SNTG1: variants seen among roughly 807,000 people sequenced by gnomAD.
SNTG1 encodes syntrophin gamma 1, also known as gamma-1-syntrophin.
SNTG1 carries 39 observed loss-of-function variants against 74.7 expected under a neutral mutation model. The observed-to-expected ratio is 0.52, with a 90% confidence interval of 0.40 to 0.68. SNTG1 has a LOEUF of 0.68. Ranked by LOEUF, SNTG1 falls within the 30% of genes least tolerant of loss-of-function variation. The pLI is 0.00. For synonymous variants in SNTG1, 254 were observed against 217.1 expected, an observed-to-expected ratio of 1.17 and a Z score of -1.49; for missense variants, 685 against 609.5, an observed-to-expected ratio of 1.12 and a Z score of -1.30.
intron 15 of SNTG1, among the ~76,000 whole-genome samples, chr8:50,663,979 A>G (rs1156336094): frequency 1.3e-5 from 2 of 152,124 alleles, no homozygotes; most frequent in African/African-American, 2.4e-5. Context: ...CTCCAAATGC[A>G]TATGTTCTGC....
intron 13 of SNTG1, among the ~76,000 whole-genome samples, chr8:50,636,100 G>C (rs906526752): frequency 9.2e-6 from 1 of 108,758 alleles, no homozygotes; most frequent in Non-Finnish European, 2.3e-5. Flanking sequence ...GGCCTAGAAT[G>C]GGTTCCTCAT....
intron 1 of SNTG1, among the ~76,000 whole-genome samples, chr8:50,128,882 C>A (rs2081228329): frequency 6.6e-6 from 1 of 152,058 alleles, no homozygotes; most frequent in African/African-American, 2.4e-5. Flanking sequence ...TTTGGACATA[C>A]AAATTGCATT....
chr8:50,355,038 G>C (rs2091779191), intron 2 of SNTG1, among the ~76,000 whole-genome samples: 1 of 152,126 alleles, frequency 6.6e-6, no homozygotes, highest in African/African-American at 2.4e-5. Flanking sequence ...TGAGAAGCGT[G>C]CATTGTTTCA....
At chr8:50,704,916 G>A (rs73678625) in intron 16 of SNTG1, among the ~76,000 whole-genome samples, 164 bp downstream of exon 16, 2 of 152,100 alleles carry the variant, frequency 1.3e-5, no homozygotes, top group Non-Finnish European at 2.9e-5. Flanking sequence ...TAGTAATACA[G>A]CTCTGAATAA....
intron 1 of SNTG1, among the ~76,000 whole-genome samples, chr8:49,984,968 A>G (rs1467555986): frequency 6.6e-6 from 1 of 152,140 alleles, no homozygotes; most frequent in Non-Finnish European, 1.5e-5. Context: ...ACCAATTTCC[A>G]GAAGGAAAAT....
chr8:50,661,702 G>GC (rs1212149441), intron 15 of SNTG1, among the ~76,000 whole-genome samples: 1 of 151,998 alleles, frequency 6.6e-6, no homozygotes, highest in Non-Finnish European at 1.5e-5. Flanking sequence ...CTCTCCCCTT[G>GC]CCCCCAACCT....
intron 1 of SNTG1, among the ~76,000 whole-genome samples, chr8:49,994,245 T>G (rs917448557): frequency 4.3e-5 from 6 of 141,038 alleles, no homozygotes; most frequent in Non-Finnish European, 9.0e-5. Context: ...AAGATTATTA[T>G]TTTTATTCTT....
At chr8:50,195,695 G>A (rs1279230228) in intron 2 of SNTG1, among the ~76,000 whole-genome samples, 3 of 152,096 alleles carry the variant, frequency 2.0e-5, no homozygotes, top group African/African-American at 7.2e-5. Flanking sequence ...AAGGTCTCCC[G>A]CAAACAGACC....
intron 2 of SNTG1, among the ~76,000 whole-genome samples, chr8:50,183,947 G>A (rs184106106): frequency 6.6e-6 from 1 of 152,058 alleles, no homozygotes; most frequent in Non-Finnish European, 1.5e-5. Flanking sequence ...CAAACTAGCT[G>A]CATTTATTCC....
intron 13 of SNTG1, among the ~76,000 whole-genome samples, chr8:50,593,474 CAAG>C (rs1217507427): frequency 6.6e-6 from 1 of 151,290 alleles, no homozygotes; most frequent in Non-Finnish European, 1.5e-5. Context: ...AATCATAAGA[CAAG>C]AAGAGGACAT....
At position 50,394,933 on chromosome 8, in the gene SNTG1, A is replaced by G. The variant is rs968259370; in HGVS notation, c.27+668A>G. 3.9e-5 allele frequency among the ~76,000 whole-genome samples: 6 copies of G among 152,022 alleles called. No homozygotes were observed. The East Asian group carries it at 1.2e-3, about 29-fold the overall frequency. Reference sequence around the variant, plus strand: ...AAAATACAAATACTTGCAGCTTAAAAATGTTTTATATTTGTTTAAAAGGTT... The same window carrying G: ...AAAATACAAATACTTGCAGCTTAAAGATGTTTTATATTTGTTTAAAAGGTT... On this transcript the variant is annotated intron_variant, in intron 3 of 18. Transcript: ENST00000642720.
chr8:50,126,553 A>T (rs1460564274), intron 1 of SNTG1, among the ~76,000 whole-genome samples: 1 of 152,074 alleles, frequency 6.6e-6, no homozygotes, highest in African/African-American at 2.4e-5. Context: ...ACAATCACCA[A>T]CATTGGGACA....
At chr8:50,196,757 G>C (rs912471521) in intron 2 of SNTG1, among the ~76,000 whole-genome samples, 5 of 148,112 alleles carry the variant, frequency 3.4e-5, no homozygotes, top group African/African-American at 1.0e-4. Flanking sequence ...AGGTGTTTGA[G>C]ATTAGCCTGG....
In SNTG1 at chr8:49,961,702, T is replaced by C. The variant is rs1193602043; in HGVS notation, c.-103+49471T>C. Among the ~76,000 whole-genome samples the C allele has an allele frequency of 3.9e-5, 6 of 152,152 alleles. No homozygotes were observed. The East Asian group carries it at 1.2e-3, about 29-fold the overall frequency. The stretch of plus-strand genomic sequence containing the variant: ...TAAAAGAGAACAATGGTAGCTAACA[T>C]TGATTGAAAGCATCTGCGGAGGCAG... On this transcript the variant is annotated intron_variant, in intron 1 of 18. Coordinates refer to ENST00000642720, the MANE Select transcript of SNTG1 (RefSeq NM_018967.5).
chr8:50,381,824 C>CGT (rs2092491505), intron 2 of SNTG1: 1 of 113,104 alleles, frequency 8.8e-6, no homozygotes. Flanking sequence ...ATATATATAA[C>CGT]ATATATATAT....
chr8:50,376,729 TTATATATATA>T (rs375978893), intron 2 of SNTG1, among the ~76,000 whole-genome samples: 1,932 of 100,600 alleles, frequency 0.019, 36 homozygotes, highest in Middle Eastern at 0.032. Context: ...TATTAATAAA[TTATATATATA>T]TATATATATA....
chr8:50,292,399 G>A (rs2089161651), intron 2 of SNTG1, among the ~76,000 whole-genome samples: 1 of 152,178 alleles, frequency 6.6e-6, no homozygotes, highest in Admixed American at 6.5e-5. Context: ...CAATGATGCT[G>A]CGGTCCTGAG....
intron 12 of SNTG1, among the ~76,000 whole-genome samples, chr8:50,579,919 CTG>C (rs1392887954): frequency 7.2e-5 from 11 of 152,152 alleles, no homozygotes; most frequent in Non-Finnish European, 1.6e-4. Context: ...CCCAGTGGAG[CTG>C]TGAGAAGGCC....
chr8:50,701,618 CGTG>C (rs1332883404), intron 15 of SNTG1, among the ~76,000 whole-genome samples: 294 of 136,642 alleles, frequency 2.2e-3, no homozygotes, highest in African/African-American at 5.1e-3. Flanking sequence ...TCTTCTTCTT[CGTG>C]TTCCTCTTCC....
Sources: gnomAD v4.1 joint callset for allele counts (sites outside exome capture counted in the v4.1 genomes callset) on GRCh38, gnomAD v4.1.1 for gene constraint, MANE v1.5 for transcripts, NCBI Gene and HGNC (gene_info 2026-07-23, HGNC 2026-07-21) for gene names.